Variants in CCDC25 observed in about 807,000 individuals in gnomAD.
The protein encoded by CCDC25 is coiled-coil domain-containing protein 25.
In CCDC25, 16 loss-of-function variants were observed where a neutral mutation model predicts 35.3. That is an observed-to-expected ratio of 0.45 (90% confidence interval 0.31 to 0.69). CCDC25 has a LOEUF of 0.69. CCDC25 is among the 30% of genes least tolerant of loss of function. The pLI is 0.06. For synonymous variants in CCDC25, 79 were observed against 80.3 expected (o/e 0.98, Z 0.09); for missense variants, 179 against 250.7 (o/e 0.71, Z 1.93).
chr8:27,762,479 C>T (rs372261078), intron 2 of CCDC25, 21 bp from the exon 3 acceptor site: 9 of 1,608,122 alleles, frequency 5.6e-6, no homozygotes, highest in Admixed American at 3.4e-5. Flanking sequence ...ATATGAGAAA[C>T]GAAAGAAACA....
chr8:27,753,345 T>G (rs997302500), intron 4 of CCDC25, among the ~76,000 whole-genome samples: 1 of 152,146 alleles, frequency 6.6e-6, no homozygotes, highest in Non-Finnish European at 1.5e-5. Flanking sequence ...TACCTACTAA[T>G]TACAATGGCT....
At chr8:27,741,112 A>C (rs1181606909) in intron 7 of CCDC25, among the ~76,000 whole-genome samples, 1 of 152,236 alleles carries the variant, frequency 6.6e-6, no homozygotes, top group African/African-American at 2.4e-5. Flanking sequence ...GTGGGAAATC[A>C]GGCTGGATGT....
chr8:27,743,475 T>C (rs1803506875), intron 7 of CCDC25, among the ~76,000 whole-genome samples: 1 of 152,268 alleles, frequency 6.6e-6, no homozygotes, highest in African/African-American at 2.4e-5. Context: ...TTCAGACATT[T>C]GGGACTTTAG....
intron 3 of CCDC25, among the ~76,000 whole-genome samples, chr8:27,758,090 C>T (rs1437762185): frequency 1.3e-5 from 2 of 152,182 alleles, no homozygotes; most frequent in Admixed American, 6.5e-5. Context: ...TTACAAATTA[C>T]CCAGTCTCAG....
chr8:27,763,213 T>C (rs9693289), intron 2 of CCDC25, among the ~76,000 whole-genome samples: 65,153 of 152,034 alleles, frequency 0.43, 14,228 homozygotes, highest in East Asian at 0.62. Context: ...TTCAATAAAT[T>C]TTTTAAGTAA....
intron 7 of CCDC25, among the ~76,000 whole-genome samples, chr8:27,741,396 C>T (rs1413071336): frequency 6.6e-6 from 1 of 152,176 alleles, no homozygotes; most frequent in African/African-American, 2.4e-5. Context: ...TTAAAAAATA[C>T]ACGGCTGGGG....
chr8:27,747,976 C>T (rs1803660021), intron 7 of CCDC25, 101 bp downstream of exon 7: 3 of 1,145,844 alleles, frequency 2.6e-6, no homozygotes, highest in Admixed American at 2.0e-5. Context: ...TGTTACATGT[C>T]CCTCCTTCCA....
At position 27,735,217 on chromosome 8, in the gene CCDC25, C is replaced by A. The variant is rs1803178638; in HGVS notation, c.*999G>T. The A allele has an allele frequency of 6.6e-6, 1 of 152,576 alleles. No individual in the cohort carries two copies. Among genetic ancestry groups the A allele is most frequent in the African/African-American group, 2.4e-5 (1 of 41,402 alleles). The allele number at this position is 152,576 out of a possible 1,614,324, so 9.5% of individuals were successfully genotyped here. The stretch of plus-strand genomic sequence containing the variant: ...GCCTCAGGGAATTTTCCAGTTCAAC[C>A]CCATACACCAACATGGAATAAATGG... On this transcript the variant is annotated 3_prime_UTR_variant, in exon 9 of 9. Transcript: ENST00000356537.
intron 3 of CCDC25, among the ~76,000 whole-genome samples, chr8:27,757,046 T>C (rs1265555973): frequency 2.7e-5 from 4 of 145,770 alleles, no homozygotes; most frequent in African/African-American, 1.1e-4. Flanking sequence ...TTTTTCAAGA[T>C]ATAAAAAGAA....
At chr8:27,741,403 G>A (rs530807084) in intron 7 of CCDC25, among the ~76,000 whole-genome samples, 2 of 152,294 alleles carry the variant, frequency 1.3e-5, no homozygotes, top group African/African-American at 4.8e-5. Context: ...ATACACGGCT[G>A]GGGGCAGTGG....
intron 5 of CCDC25, among the ~76,000 whole-genome samples, chr8:27,750,478 A>T (rs1275769904): frequency 6.6e-6 from 1 of 152,168 alleles, no homozygotes; most frequent in African/African-American, 2.4e-5. Context: ...AGCAATTACT[A>T]CCACCACTAC....
chr8:27,770,850 T>C (rs1030914229), intron 1 of CCDC25, among the ~76,000 whole-genome samples: 2 of 152,152 alleles, frequency 1.3e-5, no homozygotes, highest in Admixed American at 6.5e-5. Flanking sequence ...CATTCATTTA[T>C]TCAACAAGCA....
intron 5 of CCDC25, among the ~76,000 whole-genome samples, chr8:27,751,000 G>A (rs1247962419): frequency 6.6e-6 from 1 of 152,228 alleles, no homozygotes; most frequent in Non-Finnish European, 1.5e-5. Flanking sequence ...TGACTCACAA[G>A]AGCAAGACCC....
At chr8:27,756,578 G>T (rs1368718211) in intron 4 of CCDC25, 141 bp downstream of exon 4, 1 of 621,580 alleles carries the variant, frequency 1.6e-6, no homozygotes, top group Non-Finnish European at 2.9e-6. Flanking sequence ...CTGGGTCAGA[G>T]GGAAGACACG....
intron 1 of CCDC25, among the ~76,000 whole-genome samples, chr8:27,770,827 AG>A (rs1403098581): frequency 2.0e-5 from 3 of 152,220 alleles, no homozygotes; most frequent in African/African-American, 7.2e-5. Context: ...GCTATAAGTA[AG>A]TAAAAAAATG....
At chr8:27,740,586 T>C (rs1803403932) in intron 7 of CCDC25, 69 bp from the exon 8 acceptor site, 1 of 1,390,140 alleles carries the variant, frequency 7.2e-7, no homozygotes, top group Non-Finnish European at 1.0e-6. Flanking sequence ...TTGATGAACA[T>C]TTCCTGTGTA....
intron 1 of CCDC25, among the ~76,000 whole-genome samples, chr8:27,768,254 G>T (rs755739689): frequency 2.0e-5 from 3 of 151,826 alleles, no homozygotes; most frequent in Non-Finnish European, 2.9e-5. Flanking sequence ...TTCTCTGAAA[G>T]ACTGAAATTA....
At chr8:27,756,182 C>A (rs1013824547) in intron 4 of CCDC25, 1 of 152,192 alleles carries the variant, frequency 6.6e-6, no homozygotes, top group Non-Finnish European at 1.5e-5. Context: ...GAAAGCAGTA[C>A]ACTCGCAAGC....
intron 3 of CCDC25, among the ~76,000 whole-genome samples, chr8:27,758,613 C>T (rs1040494707): frequency 1.8e-4 from 28 of 152,282 alleles, no homozygotes; most frequent in Non-Finnish European, 3.4e-4. Context: ...TCTCATTATC[C>T]TCTTTCAGAA....
Sources: allele counts gnomAD v4.1 joint callset (sites outside exome capture counted in the v4.1 genomes callset), GRCh38; gene constraint gnomAD v4.1.1; transcripts MANE v1.5; gene names NCBI Gene and HGNC (gene_info 2026-07-23, HGNC 2026-07-21).